TRIOBP: variants seen among roughly 807,000 people sequenced by gnomAD.
The protein encoded by TRIOBP is TRIO and F-actin-binding protein.
In TRIOBP, 169 loss-of-function variants were observed where a neutral mutation model predicts 238.8. The ratio of observed to expected loss-of-function variants is 0.71; its 90% CI spans 0.62 to 0.80. The LOEUF (loss-of-function observed/expected upper bound fraction) is 0.80. TRIOBP is among the 30% of genes least tolerant of loss of function. TRIOBP has a pLI of 0.00. For missense variants in TRIOBP, 2,838 were observed against 3,122.6 expected (o/e 0.91, Z 2.17); for synonymous variants, 1,150 against 1,274.4 (o/e 0.90, Z 2.08).
rs201142573 is a variant in TRIOBP at position 37,725,780 on chromosome 22, C to T, written c.3224C>T (p.Ser1075Leu). The T allele has an allele frequency of 8.8e-5, 141 of 1,606,652 alleles. No homozygotes were observed. Among genetic ancestry groups the T allele is most frequent in the African/African-American group, 1.5e-4 (11 of 74,568 alleles). The change falls in exon 7 of 24, where the codon TCG becomes TTG. Residue 1075 changes from serine to leucine, a missense_variant. Transcript: ENST00000644935. ...IGHRDAPRASSPPRHTQFDPF... is the reference protein window; with the variant it reads ...IGHRDAPRASLPPRHTQFDPF... ...CACCGAGATGCCCCCCGGGCGTCCT[C>T]GCCCCCCCGCCACACCCAATTTGAC...
At chr22:37,764,345 G>C (rs562461252) in intron 17 of TRIOBP, among the ~76,000 whole-genome samples, 2 of 152,136 alleles carry the variant, frequency 1.3e-5, no homozygotes, top group South Asian at 4.1e-4. Context: ...GTTTGTTCCC[G>C]TGAGTGAGAT....
rs773244153 is a variant in TRIOBP, at chr22:37,740,896, C to T, written c.5186C>T (p.Ala1729Val). 6.4e-7 allele frequency: 1 copy of T among 1,572,020 alleles called. No homozygotes were observed. The highest frequency in any genetic ancestry group is 8.6e-7 in the Non-Finnish European group (1 of 1,158,474). ...PLTDQKQADS[A>V]DKRPAEGKAG... ...CCAACACTGGACCCTGTTTGACAGGCAGACAAGAGGCCAGCAGAGGGCAAG... is the reference window on the plus strand; with the variant it reads ...CCAACACTGGACCCTGTTTGACAGGTAGACAAGAGGCCAGCAGAGGGCAAG... The change falls in exon 11 of 24, where the codon GCA becomes GTA. Residue 1729 changes from alanine to valine, a missense_variant and splice_region_variant. By Grantham distance (64) the Ala-to-Val change is moderately conservative (BLOSUM62 0). Around this residue, in one of 5 missense-constraint regions of TRIOBP, gnomAD observed 2,096 missense variants for 2,137.4 expected, o/e 0.98. Coordinates refer to ENST00000644935, the MANE Select transcript of TRIOBP (RefSeq NM_001039141.3).
In TRIOBP at chr22:37,754,572, G is replaced by C. The variant is rs1037278596; in HGVS notation, c.5380-305G>C. 4.6e-5 allele frequency among the ~76,000 whole-genome samples: 7 copies of C among 152,284 alleles called. No homozygotes were observed. The South Asian group carries it at 1.5e-3, about 32-fold the overall frequency. ...AGACGTAACGTCCTGGCCCCGCTGA[G>C]TCCCTGACTTGCTTACACAGGTCAT... On this transcript the variant is annotated intron_variant, in intron 12 of 23. Coordinates refer to ENST00000644935, the MANE Select transcript of TRIOBP (RefSeq NM_001039141.3).
In TRIOBP at chr22:37,715,185, T is replaced by C. The variant is rs573329401; in HGVS notation, c.457-578T>C. Reference sequence around the variant, plus strand: ...GCCCACCACTATGCCTGGCTAGTTTTTGTATTTTTAATAGAGACAGGGTTT... The same window carrying C: ...GCCCACCACTATGCCTGGCTAGTTTCTGTATTTTTAATAGAGACAGGGTTT... On this transcript the variant is annotated intron_variant, in intron 5 of 23. Transcript: ENST00000644935. Among the ~76,000 whole-genome samples the C allele has an allele frequency of 6.6e-5, 10 of 152,120 alleles. 1 individual carries two copies. The South Asian group carries it at 2.1e-3, about 32-fold the overall frequency.
chr22:37,709,049 TG>T (rs1923097266), intron 3 of TRIOBP, among the ~76,000 whole-genome samples: 1 of 152,168 alleles, frequency 6.6e-6, no homozygotes, highest in South Asian at 2.1e-4. Flanking sequence ...GGCCCGGCTG[TG>T]GATCTGACAC....
intron 11 of TRIOBP, among the ~76,000 whole-genome samples, chr22:37,743,439 G>T (rs993764913): frequency 6.6e-6 from 1 of 152,204 alleles, no homozygotes; most frequent in Non-Finnish European, 1.5e-5. Flanking sequence ...GGTCCCTGAG[G>T]CTGTGCTGTC....
At position 37,725,611 on chromosome 22, in the gene TRIOBP, G is replaced by A. The variant is rs549095193; in HGVS notation, c.3055G>A (p.Gly1019Arg). Residue 1019 changes from glycine (G) to arginine (R), a missense_variant, in exon 7 of 24, where the codon GGG becomes AGG. Coordinates refer to ENST00000644935, the MANE Select transcript of TRIOBP (RefSeq NM_001039141.3). ...CCAGCCTCCATGTGCTGTGTGCATTGGGCACCGGGATGCCCCTCGAGCCTC... is the reference window on the plus strand; with the variant it reads ...CCAGCCTCCATGTGCTGTGTGCATTAGGCACCGGGATGCCCCTCGAGCCTC... Reference protein sequence around the residue: ...PSQPPCAVCIGHRDAPRASSP... With the variant: ...PSQPPCAVCIRHRDAPRASSP... 6.2e-7 allele frequency: 1 copy of A among 1,613,830 alleles called. No homozygotes were observed. Among genetic ancestry groups the A allele is most frequent in the Middle Eastern group, 1.7e-4 (1 of 6,060 alleles).
chr22:37,730,206 G>A (rs569633092), intron 7 of TRIOBP, among the ~76,000 whole-genome samples: 4 of 152,202 alleles, frequency 2.6e-5, no homozygotes, highest in South Asian at 2.1e-4. Flanking sequence ...CTAAGCTTCC[G>A]AAGGAAACGT....
In TRIOBP at chr22:37,713,298, C is replaced by T; in HGVS notation, c.343C>T (p.Leu115=). ...CCGGGAGCTTGAGGCAGTACCCTAT[C>T]TGGAGGGCCTGACCACTTCCTTGTG... The part of the protein sequence containing the change: ...RSRELEAVPY[L]EGLTTSLCGS... Residue 115 remains leucine, a synonymous_variant, in exon 5 of 24, where the codon CTG becomes TTG. Transcript: ENST00000644935. 3 of 1,614,034 alleles carry T rather than the reference C, an allele frequency of 1.9e-6. No individual in the cohort carries two copies. Among genetic ancestry groups the T allele is most frequent in the Non-Finnish European group, 2.5e-6 (3 of 1,179,912 alleles).
intron 17 of TRIOBP, among the ~76,000 whole-genome samples, chr22:37,763,835 A>G (rs896302162): frequency 6.6e-6 from 1 of 152,190 alleles, no homozygotes; most frequent in African/African-American, 2.4e-5. Flanking sequence ...CGAGAAGTCT[A>G]ACGCGAGTCT....
Position 37,725,749 on chromosome 22 carries a change from A to G in TRIOBP, c.3193A>G (p.Ile1065Val), listed in dbSNP as rs1569042316. 1.2e-6 allele frequency: 2 copies of G among 1,609,802 alleles called. No individual in the cohort carries two copies. Among genetic ancestry groups the G allele is most frequent in the East Asian group, 2.2e-5 (1 of 44,670 alleles). The change falls in exon 7 of 24, where the codon ATT becomes GTT. Residue 1065 changes from isoleucine to valine, a missense_variant. Coordinates refer to ENST00000644935, the MANE Select transcript of TRIOBP (RefSeq NM_001039141.3). ...TCCCTATATACCACCTGCTGTGTGC[A>G]TTGGACACCGAGATGCCCCCCGGGC... is the stretch of plus-strand genomic sequence containing the variant. ...EPPYIPPAVC[I>V]GHRDAPRASS...
intron 4 of TRIOBP, 72 bp downstream of exon 4, chr22:37,710,638 T>C: frequency 1.3e-6 from 2 of 1,540,130 alleles, no homozygotes; most frequent in Non-Finnish European, 1.7e-6. Flanking sequence ...TTTGCACTCC[T>C]TCCCCAAGGC....
Position 37,755,037 on chromosome 22 carries a change from C to T in TRIOBP, c.5487+53C>T, listed in dbSNP as rs367996299. ...CCCGGAAGGGCCTGGGGTGGCCTGGCTGGGTTCACTGGGGTGGGTCACACC... is the reference window on the plus strand; with the variant it reads ...CCCGGAAGGGCCTGGGGTGGCCTGGTTGGGTTCACTGGGGTGGGTCACACC... On this transcript the variant is annotated intron_variant, in intron 13 of 23. Transcript: ENST00000644935. The T allele has an allele frequency of 2.6e-5, 42 of 1,610,368 alleles. No individual in the cohort carries two copies. In the East Asian group the frequency reaches 8.1e-4, roughly 31 times the overall value.
intron 19 of TRIOBP, 100 bp from the exon 20 acceptor site, chr22:37,768,928 A>T (rs1601669193): frequency 1.3e-6 from 2 of 1,545,146 alleles, no homozygotes; most frequent in East Asian, 2.3e-5. Flanking sequence ...CTAGAGAGGG[A>T]ACCCCAGAGT....
chr22:37,719,999 CCTTTTTTT>C lies in TRIOBP; in HGVS notation c.629-3185_629-3178del, dbSNP rs1292243941. On this transcript the variant is annotated intron_variant, in intron 6 of 23. Coordinates refer to ENST00000644935, the MANE Select transcript of TRIOBP (RefSeq NM_001039141.3). ...CACTGTTTCACTCATCCCCCCCCGCCCTTTTTTTTTTTTTTTTTTTTTTTTTTGAGACA... is the reference window on the plus strand; with the variant it reads ...CACTGTTTCACTCATCCCCCCCCGCCTTTTTTTTTTTTTTTTTTTGAGACA... 6.4e-3 allele frequency among the ~76,000 whole-genome samples: 217 copies of C among 33,700 alleles called. 11 individuals are homozygous for C. Among genetic ancestry groups the C allele is most frequent in the African/African-American group, 0.021 (191 of 9,160 alleles). 22.1% of individuals were successfully genotyped at this position (33,700 alleles called of 152,430 possible).
intron 6 of TRIOBP, among the ~76,000 whole-genome samples, chr22:37,718,209 G>GCTC (rs1337383681): frequency 6.6e-6 from 1 of 152,210 alleles, no homozygotes; most frequent in Non-Finnish European, 1.5e-5. Flanking sequence ...CTCGGTTCCC[G>GCTC]CTCGCGCCTC....
In TRIOBP at chr22:37,734,875, G is replaced by A. The variant is rs758734711; in HGVS notation, c.4539G>A (p.Thr1513=). The A allele has an allele frequency of 3.7e-6, 6 of 1,612,948 alleles. No individual in the cohort carries two copies. Among genetic ancestry groups the A allele is most frequent in the Non-Finnish European group, 5.1e-6 (6 of 1,179,996 alleles). The change falls in exon 9 of 24, where the codon ACG becomes ACA. Residue 1513 remains threonine, a synonymous_variant. Coordinates refer to ENST00000644935, the MANE Select transcript of TRIOBP (RefSeq NM_001039141.3). ...AACTAGGAAAGAGAAGCCCACTCAC[G>A]AGCCCCCCTGAGAACTGGGGAGGCC... ...PRELGKRSPL[T]SPPENWGGPA...
intron 6 of TRIOBP, among the ~76,000 whole-genome samples, chr22:37,720,237 G>A (rs890290741): frequency 1.3e-4 from 20 of 151,878 alleles, no homozygotes; most frequent in Admixed American, 1.2e-3. Context: ...TCGAACTCCC[G>A]ACCTCAGGTG....
chr22:37,772,153 G>T (rs541085507), intron 22 of TRIOBP, among the ~76,000 whole-genome samples: 1 of 152,132 alleles, frequency 6.6e-6, no homozygotes, highest in Admixed American at 6.5e-5. Context: ...TCTGCAGCCC[G>T]CCTGGCCCAC....
Sources: allele counts gnomAD v4.1 joint callset (sites outside exome capture counted in the v4.1 genomes callset), GRCh38; gene constraint gnomAD v4.1.1; regional missense constraint gnomAD v4.1.1; transcripts MANE v1.5; gene names NCBI Gene and HGNC (gene_info 2026-07-23, HGNC 2026-07-21).